AHNAK: variants seen among roughly 807,000 people sequenced by gnomAD.
The protein encoded by AHNAK is neuroblast differentiation-associated protein AHNAK.
A neutral mutation model predicts 37.8 loss-of-function variants in AHNAK; 23 were observed. That is an observed-to-expected ratio of 0.61 (90% confidence interval 0.44 to 0.86). The LOEUF (loss-of-function observed/expected upper bound fraction) is 0.86, where lower values mean the gene tolerates loss of function less well. Among genes scored for constraint, AHNAK ranks in the 40% least tolerant of loss-of-function variants. AHNAK has a pLI of 0.00. For synonymous variants in AHNAK, 2,481 were observed against 2,636.3 expected, an observed-to-expected ratio of 0.94 and a Z score of 1.80; for missense variants, 7,411 against 7,319.4, an observed-to-expected ratio of 1.01 and a Z score of -0.46.
At position 62,533,198 on chromosome 11, in the gene AHNAK, T is replaced by C. The variant is rs1157407111; in HGVS notation, c.1219A>G (p.Ser407Gly). The change falls in exon 5 of 5, where the codon AGC becomes GGC. Residue 407 changes from serine to glycine, a missense_variant. Transcript: ENST00000378024. ...ACTTCCACACTGGGGCCAGTGATGC[T>C]ACCCCCAATTTGGGGAGCAGAGGCA... ...VDASAPQIGG[S>G]ITGPSVEVQA... 2 of 1,528,170 alleles carry C rather than the reference T, an allele frequency of 1.3e-6. No homozygotes were observed. The highest frequency in any genetic ancestry group is 1.3e-5 in the South Asian group (1 of 75,464). The allele number at this position is 1,528,170 out of a possible 1,614,324, so 94.7% of individuals were successfully genotyped here.
rs1156441586 is a variant in AHNAK at position 62,526,722 on chromosome 11, A to G, written c.7695T>C (p.Pro2565=). The change falls in exon 5 of 5, where the codon CCT becomes CCC. Residue 2565 remains proline (P), a synonymous_variant. Transcript: ENST00000378024. ...TGTTCATCTCTGGCATCTTTAACTTAGGCCCTTTCAACTTTCCCTCTGGTC... is the reference window on the plus strand; with the variant it reads ...TGTTCATCTCTGGCATCTTTAACTTGGGCCCTTTCAACTTTCCCTCTGGTC... ...IEGPEGKLKG[P]KLKMPEMNIK... 2 of 1,612,686 alleles carry G rather than the reference A, an allele frequency of 1.2e-6. No individual in the cohort carries two copies. The highest frequency in any genetic ancestry group is 1.7e-6 in the Non-Finnish European group (2 of 1,179,720).
intron 4 of AHNAK, among the ~76,000 whole-genome samples, chr11:62,508,086 G>A (rs1011150248): frequency 3.3e-5 from 5 of 152,170 alleles, no homozygotes; most frequent in Admixed American, 1.3e-4. Context: ...TGGGATTACA[G>A]GAGTGAGCTA....
At position 62,534,972 on chromosome 11, in the gene AHNAK, C is replaced by A. The variant is rs1257021750; in HGVS notation, c.342+31G>T. The A allele has an allele frequency of 1.3e-5, 21 of 1,588,186 alleles. No individual in the cohort carries two copies. The Admixed American group carries it at 3.5e-4, about 27-fold the overall frequency. On this transcript the variant is annotated intron_variant, in intron 4 of 4. Transcript: ENST00000378024. ...GCAGGCCGGCATGGCCGGGGGAGCT[C>A]AGGGCACAGATGGGCCGGCGAGGTA... is the stretch of plus-strand genomic sequence containing the variant.
rs1380404190 is a variant in AHNAK at position 62,520,053 on chromosome 11, G to A, written c.14364C>T (p.Phe4788=). Residue 4788 remains phenylalanine, a synonymous_variant, in exon 5 of 5, where the codon TTC becomes TTT. Coordinates refer to ENST00000378024, the MANE Select transcript of AHNAK (RefSeq NM_001620.3). ...CTTCTCCTTTGAAGCCAGGCATGCT[G>A]AATTTGGGCATTTTCACCTTGGGCA... The part of the protein sequence containing the change: ...LKMPKVKMPK[F]SMPGFKGEGP... The A allele has an allele frequency of 1.9e-6, 3 of 1,613,300 alleles. No homozygotes were observed. The African/African-American group carries it at 4.0e-5, about 22-fold the overall frequency.
rs1211282594 is a variant in AHNAK, at chr11:62,526,673, G to A, written c.7744C>T (p.Pro2582Ser). 4 of 1,611,734 alleles carry A rather than the reference G, an allele frequency of 2.5e-6. No individual in the cohort carries two copies. The East Asian group carries it at 6.7e-5, about 27-fold the overall frequency. The change falls in exon 5 of 5, where the codon CCT (proline) becomes TCT (serine). Residue 2582 changes from proline to serine, a missense_variant. Transcript: ENST00000378024. ...CCTTTCAGATGCAAATCAAAGTCAG[G>A]CATGGAGATCTTGGGGGCTTTGATG... is the stretch of plus-strand genomic sequence containing the variant. ...MNIKAPKISM[P>S]DFDLHLKGPK...
rs1268327849 is a variant in AHNAK at position 62,519,579 on chromosome 11, T to A, written c.14838A>T (p.Gly4946=). Residue 4946 remains glycine (G), a synonymous_variant, in exon 5 of 5, where the codon GGA becomes GGT. Coordinates refer to ENST00000378024, the MANE Select transcript of AHNAK (RefSeq NM_001620.3). ...KLEGGEVDLK[G]PKVEAPSLDV... is the part of the protein sequence containing the mutation. ...CTAAGCTTGGAGCTTCAACTTTGGG[T>A]CCCTTGAGGTCCACTTCACCACCTT... 2 of 1,611,454 alleles carry A rather than the reference T, an allele frequency of 1.2e-6. No individual in the cohort carries two copies. The highest frequency in any genetic ancestry group is 1.7e-5 in the Admixed American group (1 of 59,464).
chr11:62,468,345 C>T (rs902016459), intron 5 of AHNAK, among the ~76,000 whole-genome samples: 4 of 94,512 alleles, frequency 4.2e-5, no homozygotes, highest in Non-Finnish European at 4.6e-5. Context: ...GAGACTCTGT[C>T]TCCCAAAAAA....
intron 5 of AHNAK, among the ~76,000 whole-genome samples, chr11:62,475,202 C>G (rs1250289733): frequency 6.6e-6 from 1 of 152,060 alleles, no homozygotes; most frequent in Non-Finnish European, 1.5e-5. Context: ...ACTCAGGAGG[C>G]TGAAACAGGA....
chr11:62,457,967 G>A (rs1004876656), intron 5 of AHNAK, among the ~76,000 whole-genome samples: 3 of 147,756 alleles, frequency 2.0e-5, no homozygotes, highest in African/African-American at 2.5e-5. Flanking sequence ...AGGCTGGAGC[G>A]CAGTGGCGCG....
chr11:62,537,583 T>C (rs1402088470), intron 1 of AHNAK: 2 of 152,204 alleles, frequency 1.3e-5, no homozygotes, highest in Admixed American at 6.5e-5. Context: ...GAGATGTTAC[T>C]GTGCCAATTT....
chr11:62,524,796 G>A lies in AHNAK; in HGVS notation c.9621C>T (p.Phe3207=). 1.2e-6 allele frequency: 2 copies of A among 1,614,146 alleles called. No individual in the cohort carries two copies. The highest frequency in any genetic ancestry group is 1.7e-6 in the Non-Finnish European group (2 of 1,180,026). The part of the protein sequence containing the change: ...GPDAKLKGPK[F]KMPEMNIKAP... ...CTTTGATGTTCATCTCTGGCATCTT[G>A]AATTTAGGGCCCTTCAGTTTCGCAT... The change falls in exon 5 of 5, where the codon TTC becomes TTT. Residue 3207 remains phenylalanine, a synonymous_variant. Coordinates refer to ENST00000378024, the MANE Select transcript of AHNAK (RefSeq NM_001620.3).
At chr11:62,461,155 T>G (rs1010670020) in intron 5 of AHNAK, among the ~76,000 whole-genome samples, 3 of 132,318 alleles carry the variant, frequency 2.3e-5, no homozygotes, top group African/African-American at 8.4e-5. Context: ...TTTTTTTTTT[T>G]TTTTTTTTTG....
chr11:62,524,190 A>T lies in AHNAK; in HGVS notation c.10227T>A (p.Ser3409Arg). Residue 3409 changes from serine to arginine, a missense_variant, in exon 5 of 5, where the codon AGT (serine) becomes AGA (arginine). By Grantham distance (110) the Ser-to-Arg change is moderately radical. Coordinates refer to ENST00000378024, the MANE Select transcript of AHNAK (RefSeq NM_001620.3). The part of the protein sequence containing the change: ...KGSKFKMPFL[S>R]ISSPKVSMPD... Reference sequence around the variant, plus strand: ...GCATAGAAACTTTGGGAGATGAAATACTCAGGAAAGGCATTTTAAACTTGG... The same window carrying T: ...GCATAGAAACTTTGGGAGATGAAATTCTCAGGAAAGGCATTTTAAACTTGG... 6.2e-7 allele frequency: 1 copy of T among 1,613,804 alleles called. No individual in the cohort carries two copies. Among genetic ancestry groups the T allele is most frequent in the Non-Finnish European group, 8.5e-7 (1 of 1,179,940 alleles).
chr11:62,519,203 T>C lies in AHNAK; in HGVS notation c.15214A>G (p.Lys5072Glu), dbSNP rs747176601. ...GTTTTGGGCGATTTCACGTCGACTTTGAGTGCAGCATCCGGCCCTGCGATG... is the reference window on the plus strand; with the variant it reads ...GTTTTGGGCGATTTCACGTCGACTTCGAGTGCAGCATCCGGCCCTGCGATG... ...VNIAGPDAAL[K>E]VDVKSPKTKK... The change falls in exon 5 of 5, where the codon AAA becomes GAA. Residue 5072 changes from lysine (K) to glutamate (E), a missense_variant. Lys to Glu is a moderately conservative substitution (Grantham distance 56, BLOSUM62 1). Coordinates refer to ENST00000378024, the MANE Select transcript of AHNAK (RefSeq NM_001620.3). The C allele has an allele frequency of 2.5e-6, 4 of 1,613,294 alleles. No individual in the cohort carries two copies. In the South Asian group the frequency reaches 3.3e-5, roughly 13 times the overall value.
At chr11:62,535,325 TAC>T (rs1312952426) in intron 3 of AHNAK, 135 bp from the exon 4 acceptor site, 3 of 783,700 alleles carry the variant, frequency 3.8e-6, no homozygotes, top group Admixed American at 5.6e-5. Context: ...ATACCCATTG[TAC>T]AGACACGGAA....
In AHNAK at chr11:62,517,459, G is replaced by A. The variant is rs1442793615; in HGVS notation, c.16958C>T (p.Ser5653Phe). 6.2e-7 allele frequency: 1 copy of A among 1,614,156 alleles called. No individual in the cohort carries two copies. The highest frequency in any genetic ancestry group is 1.7e-5 in the Admixed American group (1 of 60,008). Residue 5653 changes from serine (S) to phenylalanine (F), a missense_variant, in exon 5 of 5, where the codon TCT becomes TTT. Physicochemically the swap from Ser to Phe is radical, Grantham distance 155. Transcript: ENST00000378024. ...CATTTTAGGGAATGTTACTTTTCCA[G>A]ATCCACTTTCCAAGTGACCTTGAGG... ...SGPQGHLESG[S>F]GKVTFPKMKI...
At chr11:62,491,754 A>T in exon 5 of AHNAK, 2 of 1,612,326 alleles carry the variant, frequency 1.2e-6, no homozygotes, top group Non-Finnish European at 1.7e-6. Context: ...TGGAGACTGA[A>T]ACTGCCCCGG....
chr11:62,534,001 A>G lies in AHNAK; in HGVS notation c.416T>C (p.Val139Ala). 6.3e-7 allele frequency: 1 copy of G among 1,597,520 alleles called. No homozygotes were observed. Residue 139 changes from valine to alanine, a missense_variant, in exon 5 of 5, where the codon GTG becomes GCG. Coordinates refer to ENST00000378024, the MANE Select transcript of AHNAK (RefSeq NM_001620.3). ...CTGGGTCTCCCCGAGGTCTCCTTCC[A>G]CTCCATCTTCCGACTTCAGCCGTGG... Reference protein sequence around the residue: ...IKPRLKSEDGVEGDLGETQSR... With the variant: ...IKPRLKSEDGAEGDLGETQSR...
intron 1 of AHNAK, among the ~76,000 whole-genome samples, chr11:62,539,192 C>T (rs1489957345): frequency 6.6e-6 from 1 of 152,254 alleles, no homozygotes; most frequent in African/African-American, 2.4e-5. Flanking sequence ...GGCACATTCT[C>T]TCCCACTGTC....
Sources: allele counts gnomAD v4.1 joint callset (sites outside exome capture counted in the v4.1 genomes callset), GRCh38; gene constraint gnomAD v4.1.1; transcripts MANE v1.5; gene names NCBI Gene and HGNC (gene_info 2026-07-23, HGNC 2026-07-21).